Variants in CCDC63 observed in about 807,000 individuals in gnomAD.
CCDC63 encodes the protein coiled-coil domain containing 63, also known as coiled-coil domain-containing protein 63.
CCDC63 carries 54 observed loss-of-function variants against 63.6 expected under a neutral mutation model. The observed-to-expected ratio is 0.85, with a 90% CI of 0.68 to 1.07. The LOEUF (loss-of-function observed/expected upper bound fraction) is 1.07. Among genes scored for constraint, CCDC63 ranks in the 50% least tolerant of loss-of-function variants. The probability of loss-of-function intolerance (pLI) is 0.00; values close to 1 mark genes in which losing one functional copy is unlikely to be tolerated. For missense variants in CCDC63, 637 were observed against 689.6 expected, an observed-to-expected ratio of 0.92 and a Z score of 0.86; for synonymous variants, 253 against 266.1, an observed-to-expected ratio of 0.95 and a Z score of 0.48.
chr12:110,886,267 A>G (rs1341709464), intron 8 of CCDC63, among the ~76,000 whole-genome samples: 1 of 152,130 alleles, frequency 6.6e-6, no homozygotes, highest in Non-Finnish European at 1.5e-5. Context: ...TGCACCTGCA[A>G]TCCCACTACT....
rs768999267 is a variant in CCDC63 at position 110,873,993 on chromosome 12, C to T, written c.489+32C>T. 5 of 1,591,504 alleles carry T rather than the reference C, an allele frequency of 3.1e-6. No homozygotes were observed. In the South Asian group the frequency reaches 5.7e-5, roughly 18 times the overall value. ...AAAGTGTTCTCTGCAGCTCTGCAAACAGCTCTGCCCACGTTTGCTCAGAAC... is the reference window on the plus strand; with the variant it reads ...AAAGTGTTCTCTGCAGCTCTGCAAATAGCTCTGCCCACGTTTGCTCAGAAC... On this transcript the variant is annotated intron_variant, in intron 5 of 11. Coordinates refer to ENST00000308208, the MANE Select transcript of CCDC63 (RefSeq NM_152591.3).
intron 3 of CCDC63, 140 bp downstream of exon 3, chr12:110,853,714 T>A: frequency 2.4e-6 from 2 of 846,634 alleles, no homozygotes; most frequent in Non-Finnish European, 1.9e-6. Flanking sequence ...CGGTCTTTTA[T>A]CTGCAGAGCC....
At chr12:110,852,445 A>G (rs913378630) in intron 1 of CCDC63, among the ~76,000 whole-genome samples, 2 of 152,004 alleles carry the variant, frequency 1.3e-5, no homozygotes, top group African/African-American at 4.8e-5. Flanking sequence ...TATTTTTTGT[A>G]GAGACAGAGT....
Position 110,863,294 on chromosome 12 carries a change from T to C in CCDC63, c.369+4519T>C, listed in dbSNP as rs563457078. On this transcript the variant is annotated intron_variant, in intron 4 of 11. Coordinates refer to ENST00000308208, the MANE Select transcript of CCDC63 (RefSeq NM_152591.3). ...TGTGTGTGTGTGTGTGTGTTCCAGC[T>C]GAAGTCCAAACCACAGCTAGTATCC... Among the ~76,000 whole-genome samples the C allele has an allele frequency of 1.4e-3, 213 of 151,844 alleles. 1 individual carries two copies. Among genetic ancestry groups the C allele is most frequent in the African/African-American group, 4.9e-3 (204 of 41,328 alleles).
In CCDC63 at chr12:110,853,492, A is replaced by G. The variant is rs375376941; in HGVS notation, c.97A>G (p.Lys33Glu). The change falls in exon 3 of 12, where the codon AAG becomes GAG. Residue 33 changes from lysine (K) to glutamate (E), a missense_variant. Coordinates refer to ENST00000308208, the MANE Select transcript of CCDC63 (RefSeq NM_152591.3). Reference sequence around the variant, plus strand: ...GCAGCAGGCGGAGGCAGAGCTCCGGAAGCTAAGGCAGCAGTTCAGGAAGAT... The same window carrying G: ...GCAGCAGGCGGAGGCAGAGCTCCGGGAGCTAAGGCAGCAGTTCAGGAAGAT... ...KEQQAEAELRKLRQQFRKMVE... is the reference protein window; with the variant it reads ...KEQQAEAELRELRQQFRKMVE... 7.0e-4 allele frequency: 1,130 copies of G among 1,614,216 alleles called. 25 individuals carry two copies. In the South Asian group the frequency reaches 0.011, roughly 16 times the overall value.
At chr12:110,857,900 A>G (rs1162593209) in intron 3 of CCDC63, among the ~76,000 whole-genome samples, 2 of 152,154 alleles carry the variant, frequency 1.3e-5, no homozygotes, top group Non-Finnish European at 2.9e-5. Flanking sequence ...TGAGGCCAGT[A>G]GTTCGAGACC....
At chr12:110,856,460 C>T (rs139900569) in intron 3 of CCDC63, among the ~76,000 whole-genome samples, 6 of 152,258 alleles carry the variant, frequency 3.9e-5, no homozygotes, top group East Asian at 1.9e-4. Flanking sequence ...CAGCTTCCCC[C>T]GCCCGCCTCC....
At chr12:110,888,828 TC>T (rs2071319614) in intron 8 of CCDC63, among the ~76,000 whole-genome samples, 1 of 146,560 alleles carries the variant, frequency 6.8e-6, no homozygotes, top group African/African-American at 2.6e-5. Context: ...CTTCCTTCCT[TC>T]CTTCCTTCCT....
intron 4 of CCDC63, among the ~76,000 whole-genome samples, chr12:110,870,474 G>A (rs1014756063): frequency 6.6e-6 from 1 of 152,196 alleles, no homozygotes; most frequent in Non-Finnish European, 1.5e-5. Flanking sequence ...GGTTATTTAC[G>A]TTTCACTTAG....
At chr12:110,893,203 G>C in intron 9 of CCDC63, 53 bp downstream of exon 9, 1 of 1,442,404 alleles carries the variant, frequency 6.9e-7, no homozygotes, top group Non-Finnish European at 9.7e-7. Flanking sequence ...GTCTGTCTCT[G>C]TGTCTGACGG....
At chr12:110,898,712 T>C (rs755700719) in intron 9 of CCDC63, among the ~76,000 whole-genome samples, 1 of 152,176 alleles carries the variant, frequency 6.6e-6, no homozygotes, top group Non-Finnish European at 1.5e-5. Context: ...TATTTACTAT[T>C]ACGACCCTCA....
At chr12:110,855,589 T>C (rs1050870032) in intron 3 of CCDC63, among the ~76,000 whole-genome samples, 5 of 152,252 alleles carry the variant, frequency 3.3e-5, no homozygotes, top group African/African-American at 7.2e-5. Flanking sequence ...ATTTTATTTA[T>C]TTATTTTTTG....
chr12:110,885,352 A>G (rs1244259513), intron 8 of CCDC63, among the ~76,000 whole-genome samples: 1 of 152,172 alleles, frequency 6.6e-6, no homozygotes, highest in Non-Finnish European at 1.5e-5. Context: ...GCAGTAAAGA[A>G]GCCTGTCTAC....
intron 4 of CCDC63, among the ~76,000 whole-genome samples, chr12:110,868,425 A>T (rs868744329): frequency 2.0e-5 from 3 of 150,392 alleles, no homozygotes; most frequent in African/African-American, 7.4e-5. Context: ...ACGCCACTGC[A>T]CTCCAGTCTG....
intron 9 of CCDC63, among the ~76,000 whole-genome samples, chr12:110,895,257 G>A (rs2071404418): frequency 6.6e-6 from 1 of 152,170 alleles, no homozygotes; most frequent in Non-Finnish European, 1.5e-5. Context: ...GGGATTACAG[G>A]CACGTGCCAC....
rs1302926571 is a variant in CCDC63, at chr12:110,882,686, GAGGAAAAGC to G, written c.854-1340_854-1332del. Among the ~76,000 whole-genome samples, 4 of 151,472 alleles carry G rather than the reference GAGGAAAAGC, an allele frequency of 2.6e-5. No homozygotes were observed. The East Asian group carries it at 7.9e-4, about 30-fold the overall frequency. ...CACATACCAAAATTCTAGACACTCA[GAGGAAAAGC>G]AGGTGTTTGGGATAAACTGCTGGGC... is the stretch of plus-strand genomic sequence containing the variant. On this transcript the variant is annotated intron_variant, in intron 7 of 11. Coordinates refer to ENST00000308208, the MANE Select transcript of CCDC63 (RefSeq NM_152591.3).
At chr12:110,901,943 G>C (rs185269544) in intron 10 of CCDC63, among the ~76,000 whole-genome samples, 12 of 152,014 alleles carry the variant, frequency 7.9e-5, no homozygotes, top group Admixed American at 2.6e-4. Context: ...TTATTCTCCT[G>C]TCTCAGCTTC....
chr12:110,891,948 GT>G (rs1408103310), intron 8 of CCDC63, among the ~76,000 whole-genome samples: 3 of 152,202 alleles, frequency 2.0e-5, no homozygotes, highest in Non-Finnish European at 4.4e-5. Flanking sequence ...CGGTCGAAAG[GT>G]GTGAGCTTTT....
chr12:110,890,362 A>G (rs575327390), intron 8 of CCDC63, among the ~76,000 whole-genome samples: 1 of 152,258 alleles, frequency 6.6e-6, no homozygotes, highest in African/African-American at 2.4e-5. Context: ...CAGGGGGAAA[A>G]AAAGCAAGAT....
Sources: allele counts gnomAD v4.1 joint callset (sites outside exome capture counted in the v4.1 genomes callset), GRCh38; gene constraint gnomAD v4.1.1; transcripts MANE v1.5; gene names NCBI Gene and HGNC (gene_info 2026-07-23, HGNC 2026-07-21).